DPF3: variants seen among roughly 807,000 people sequenced by gnomAD.
DPF3 encodes double PHD fingers 3.
A neutral mutation model predicts 56.8 loss-of-function variants in DPF3; 18 were observed. That is an observed-to-expected ratio of 0.32 (90% confidence interval 0.22 to 0.47). The LOEUF (loss-of-function observed/expected upper bound fraction) is 0.47, where lower values mean the gene tolerates loss of function less well. Ranked by LOEUF, DPF3 falls within the 20% of genes least tolerant of loss-of-function variation. DPF3 has a pLI of 1.00. For missense variants in DPF3, 403 were observed against 488.8 expected (o/e 0.82, Z 1.65); for synonymous variants, 188 against 180.2 (o/e 1.04, Z -0.35).
chr14:72,793,388 G>A (rs1478001374), intron 1 of DPF3, among the ~76,000 whole-genome samples: 2 of 152,112 alleles, frequency 1.3e-5, no homozygotes, highest in African/African-American at 4.8e-5. Flanking sequence ...GCTCACTGGT[G>A]GTAAATTCTC....
intron 8 of DPF3, chr14:72,661,150 G>T: frequency 2.0e-6 from 2 of 985,452 alleles, no homozygotes; most frequent in Non-Finnish European, 2.4e-6. Flanking sequence ...GTTGTCACTT[G>T]TGGGAGTTGG....
intron 7 of DPF3, among the ~76,000 whole-genome samples, chr14:72,681,507 C>G (rs949553629): frequency 2.0e-5 from 3 of 152,120 alleles, no homozygotes; most frequent in African/African-American, 7.2e-5. Context: ...GAACAGAGGC[C>G]CCATCTTGCT....
At chr14:72,765,242 G>A (rs1056166813) in intron 2 of DPF3, among the ~76,000 whole-genome samples, 6 of 152,132 alleles carry the variant, frequency 3.9e-5, no homozygotes, top group Non-Finnish European at 7.4e-5. Flanking sequence ...TTTTCAAACT[G>A]ACCACACCAA....
At chr14:72,698,568 T>C (rs1233660923) in intron 6 of DPF3, among the ~76,000 whole-genome samples, 2 of 152,104 alleles carry the variant, frequency 1.3e-5, no homozygotes, top group African/African-American at 4.8e-5. Context: ...GCACCTATAG[T>C]CCCAGCTACT....
chr14:72,716,680 G>A (rs1227268688), intron 5 of DPF3, among the ~76,000 whole-genome samples: 1 of 152,118 alleles, frequency 6.6e-6, no homozygotes, highest in Non-Finnish European at 1.5e-5. Flanking sequence ...CTGGCACAGG[G>A]CCAGCCACAT....
intron 1 of DPF3, among the ~76,000 whole-genome samples, chr14:72,863,271 C>G (rs781388048): frequency 1.5e-4 from 23 of 151,420 alleles, no homozygotes; most frequent in Non-Finnish European, 2.4e-4. Context: ...TCTCACCCTT[C>G]CCAAGTCAGG....
chr14:72,773,132 G>C (rs925540087), intron 1 of DPF3, among the ~76,000 whole-genome samples: 1 of 102,994 alleles, frequency 9.7e-6, no homozygotes, highest in African/African-American at 3.9e-5. Flanking sequence ...GGGTTTTTTG[G>C]GTTTTTTTTT....
intron 1 of DPF3, among the ~76,000 whole-genome samples, chr14:72,772,630 C>T (rs1273163318): frequency 6.7e-6 from 1 of 149,912 alleles, no homozygotes; most frequent in East Asian, 2.0e-4. Context: ...TCTGATTAAG[C>T]ACAGTATATT....
At chr14:72,763,661 G>T (rs1323529059) in intron 2 of DPF3, among the ~76,000 whole-genome samples, 1 of 152,078 alleles carries the variant, frequency 6.6e-6, no homozygotes, top group Admixed American at 6.5e-5. Context: ...GAGAAACCCT[G>T]ACCTTGCATT....
chr14:72,824,811 A>G (rs1165462571), intron 1 of DPF3, among the ~76,000 whole-genome samples: 1 of 151,742 alleles, frequency 6.6e-6, no homozygotes, highest in Admixed American at 6.6e-5. Context: ...AGCTCAGGTG[A>G]TCCGCCTACT....
At chr14:72,635,314 G>A (rs746492736) in intron 8 of DPF3, among the ~76,000 whole-genome samples, 7 of 152,194 alleles carry the variant, frequency 4.6e-5, no homozygotes, top group Non-Finnish European at 1.0e-4. Context: ...ACAGCCTACT[G>A]AGCTCAGTAA....
intron 1 of DPF3, among the ~76,000 whole-genome samples, chr14:72,816,642 A>AG (rs1883301262): frequency 1.4e-5 from 2 of 142,094 alleles, no homozygotes; most frequent in African/African-American, 5.5e-5. Context: ...GCATAAATGG[A>AG]AAAAAAAAAA....
intron 1 of DPF3, chr14:72,853,273 G>A (rs1011003483): frequency 1.3e-5 from 2 of 151,496 alleles, no homozygotes; most frequent in African/African-American, 4.9e-5. Context: ...AAAGAACAAG[G>A]AGTTCAATCT....
intron 1 of DPF3, among the ~76,000 whole-genome samples, chr14:72,826,024 G>A (rs1883785046): frequency 6.6e-6 from 1 of 152,060 alleles, no homozygotes; most frequent in Non-Finnish European, 1.5e-5. Context: ...AAGGAAGGGG[G>A]CAGGTTAGGG....
chr14:72,769,407 C>T (rs1032811142), intron 2 of DPF3, among the ~76,000 whole-genome samples: 1 of 152,164 alleles, frequency 6.6e-6, no homozygotes, highest in Non-Finnish European at 1.5e-5. Context: ...CTGGGCCGGG[C>T]ACGGTGGCTT....
chr14:72,824,565 G>A (rs202106163), intron 1 of DPF3, among the ~76,000 whole-genome samples: 1 of 85,004 alleles, frequency 1.2e-5, no homozygotes, highest in Non-Finnish European at 2.6e-5. Flanking sequence ...TTTTTTTTTT[G>A]TTTGTTTGTT....
chr14:72,854,533 A>G (rs1015748263), intron 1 of DPF3, among the ~76,000 whole-genome samples: 2 of 152,236 alleles, frequency 1.3e-5, no homozygotes, highest in African/African-American at 4.8e-5. Context: ...TAAAGTAATT[A>G]GAAATAAAAT....
At chr14:72,764,444 A>G (rs932735500) in intron 2 of DPF3, among the ~76,000 whole-genome samples, 1 of 146,884 alleles carries the variant, frequency 6.8e-6, no homozygotes, top group African/African-American at 2.5e-5. Flanking sequence ...GTCCTTCGTA[A>G]TAAACTGGCA....
At position 72,615,739 on chromosome 14, in the gene DPF3, G is replaced by A. The variant is rs1884053045; in HGVS notation, c.*3558C>T. 6.6e-6 allele frequency among the ~76,000 whole-genome samples: 1 copy of A among 152,252 alleles called. No individual in the cohort carries two copies. The highest frequency in any genetic ancestry group is 1.9e-4 in the East Asian group (1 of 5,196). On this transcript the variant is annotated 3_prime_UTR_variant, in exon 11 of 11. Transcript: ENST00000556509. Reference sequence around the variant, plus strand: ...TGGGACCTGCTGGCTCCTGCTTCAGGGGCGATGAGTCAGTGAGGGGTTCCA... The same window carrying A: ...TGGGACCTGCTGGCTCCTGCTTCAGAGGCGATGAGTCAGTGAGGGGTTCCA...
Sources: gnomAD v4.1 joint callset for allele counts (sites outside exome capture counted in the v4.1 genomes callset) on GRCh38, gnomAD v4.1.1 for gene constraint, MANE v1.5 for transcripts, NCBI Gene and HGNC (gene_info 2026-07-23, HGNC 2026-07-21) for gene names.